The following PICALM variants were observed in gnomAD, a reference collection of about 807,000 sequenced individuals.
PICALM encodes the protein phosphatidylinositol binding clathrin assembly protein.
Under a neutral mutation model 80.5 loss-of-function variants are expected in PICALM, and 40 were observed. The ratio of observed to expected loss-of-function variants is 0.50; its 90% CI spans 0.39 to 0.65. The LOEUF is 0.65. Ranked by LOEUF, PICALM falls within the 30% of genes least tolerant of loss-of-function variation. The pLI is 0.00. For missense variants in PICALM, 676 were observed against 778.9 expected (o/e 0.87, Z 1.57); for synonymous variants, 288 against 260.3 (o/e 1.11, Z -1.02).
intron 1 of PICALM, among the ~76,000 whole-genome samples, 191 bp from the exon 2 acceptor site, chr11:86,031,802 T>G (rs976890250): frequency 2.0e-5 from 3 of 152,102 alleles, no homozygotes; most frequent in African/African-American, 7.2e-5. Context: ...GGGTACCAAT[T>G]AGAATCACAT....
chr11:85,987,538 GA>G (rs777850208), intron 13 of PICALM, among the ~76,000 whole-genome samples: 2 of 152,136 alleles, frequency 1.3e-5, no homozygotes, highest in African/African-American at 4.8e-5. Context: ...AAGCAATAAA[GA>G]AAAAATCAAT....
chr11:86,048,692 C>T (rs2096121229), intron 1 of PICALM, among the ~76,000 whole-genome samples: 1 of 151,628 alleles, frequency 6.6e-6, no homozygotes, highest in African/African-American at 2.4e-5. Context: ...ATTAGCCGGG[C>T]GTGGTGGCGC....
chr11:86,056,209 T>C (rs974095816), intron 1 of PICALM, among the ~76,000 whole-genome samples: 3 of 141,434 alleles, frequency 2.1e-5, no homozygotes, highest in Non-Finnish European at 4.6e-5. Context: ...TTAAAAGACA[T>C]TGTATCAAGA....
intron 7 of PICALM, among the ~76,000 whole-genome samples, chr11:86,008,815 G>C (rs1207140663): frequency 6.6e-6 from 1 of 151,798 alleles, no homozygotes; most frequent in Middle Eastern, 3.2e-3. Flanking sequence ...CTCTGGCCGG[G>C]CGCGGTGGCT....
chr11:86,035,650 AC>A (rs2095827482), intron 1 of PICALM, among the ~76,000 whole-genome samples: 1 of 152,084 alleles, frequency 6.6e-6, no homozygotes, highest in African/African-American at 2.4e-5. Context: ...CATCTAGAAA[AC>A]TGGAGATACG....
chr11:85,963,920 CT>C (rs10686143), intron 19 of PICALM, among the ~76,000 whole-genome samples: 748 of 72,880 alleles, frequency 0.01, 3 homozygotes, highest in South Asian at 0.032. Flanking sequence ...CCACACCTGG[CT>C]TTTTTTTTTT....
chr11:85,991,210 G>A (rs1221988809), intron 12 of PICALM, among the ~76,000 whole-genome samples: 1 of 152,042 alleles, frequency 6.6e-6, no homozygotes, highest in Non-Finnish European at 1.5e-5. Context: ...GATTTAAAGA[G>A]CTAACTAAAT....
chr11:86,007,188 G>T (rs602222), intron 8 of PICALM, among the ~76,000 whole-genome samples: 104,732 of 152,044 alleles, frequency 0.69, 36,232 homozygotes, highest in African/African-American at 0.77. Flanking sequence ...ATAAATACTG[G>T]ATAATTCTCT....
intron 12 of PICALM, among the ~76,000 whole-genome samples, chr11:85,994,877 T>G (rs1484681038): frequency 2.0e-5 from 3 of 152,222 alleles, no homozygotes; most frequent in Non-Finnish European, 2.9e-5. Context: ...CTAATTTTTG[T>G]ATTTTTAGTA....
chr11:85,982,740 T>A (rs987352164), intron 14 of PICALM, among the ~76,000 whole-genome samples: 1 of 152,072 alleles, frequency 6.6e-6, no homozygotes, highest in African/African-American at 2.4e-5. Flanking sequence ...ACCTTTTTTT[T>A]AAAAGCAGAG....
At chr11:86,047,627 T>C (rs1459859395) in intron 1 of PICALM, among the ~76,000 whole-genome samples, 1 of 152,180 alleles carries the variant, frequency 6.6e-6, no homozygotes, top group Non-Finnish European at 1.5e-5. Flanking sequence ...CTATCAATTC[T>C]AAGTAATAGC....
At chr11:86,031,211 C>A (rs2095746132) in intron 2 of PICALM, among the ~76,000 whole-genome samples, 1 of 152,106 alleles carries the variant, frequency 6.6e-6, no homozygotes, top group African/African-American at 2.4e-5. Flanking sequence ...CAGCAAAAAC[C>A]AGGGATGCTT....
chr11:86,047,607 G>A (rs1337712252), intron 1 of PICALM, among the ~76,000 whole-genome samples: 1 of 152,196 alleles, frequency 6.6e-6, no homozygotes, highest in Non-Finnish European at 1.5e-5. Context: ...TTGCCCTAGA[G>A]ATGTAATTAC....
intron 4 of PICALM, among the ~76,000 whole-genome samples, chr11:86,020,023 TG>T (rs1299674914): frequency 6.6e-6 from 1 of 152,152 alleles, no homozygotes; most frequent in Non-Finnish European, 1.5e-5. Context: ...GGCTTTCTCC[TG>T]AGGCCTCATC....
intron 10 of PICALM, 51 bp from the exon 11 acceptor site, chr11:86,000,830 T>C (rs533764623): frequency 1.9e-6 from 3 of 1,580,120 alleles, no homozygotes; most frequent in East Asian, 4.5e-5. Flanking sequence ...GATTTCTTTG[T>C]ACAGCCTCTG....
Position 86,009,292 on chromosome 11 carries a change from C to CAA in PICALM, c.766-1711_766-1710dup, listed in dbSNP as rs10557244. 1.9e-3 allele frequency among the ~76,000 whole-genome samples: 81 copies of CAA among 41,638 alleles called. 12 individuals carry two copies. The highest frequency in any genetic ancestry group is 6.1e-3 in the African/African-American group (58 of 9,534). 27.3% of individuals were successfully genotyped at this position (41,638 alleles called of 152,430 possible). ...TGGGTGACACAGCAAGTCTCTGTCT[C>CAA]AAAAAAAAAAAAAAAAAAAAAAAAA... is the stretch of plus-strand genomic sequence containing the variant. On this transcript the variant is annotated intron_variant, in intron 7 of 19. Coordinates refer to ENST00000393346, the MANE Select transcript of PICALM (RefSeq NM_007166.4).
intron 1 of PICALM, among the ~76,000 whole-genome samples, chr11:86,046,362 C>G (rs571313405): frequency 6.6e-6 from 1 of 152,320 alleles, no homozygotes; most frequent in South Asian, 2.1e-4. Context: ...ATTAGTCACT[C>G]AGTTTCCATT....
At chr11:86,015,711 C>T (rs1366928197) in intron 4 of PICALM, among the ~76,000 whole-genome samples, 1 of 152,184 alleles carries the variant, frequency 6.6e-6, no homozygotes, top group African/African-American at 2.4e-5. Context: ...ATATATCACA[C>T]TAAGTATTAT....
chr11:85,989,085 C>T (rs1279127433), intron 13 of PICALM, among the ~76,000 whole-genome samples: 1 of 152,184 alleles, frequency 6.6e-6, no homozygotes, highest in African/African-American at 2.4e-5. Flanking sequence ...ATCATTGTAT[C>T]AGATAAATGT....
Sources: gnomAD v4.1 joint callset for allele counts (sites outside exome capture counted in the v4.1 genomes callset) on GRCh38, gnomAD v4.1.1 for gene constraint, MANE v1.5 for transcripts, NCBI Gene and HGNC (gene_info 2026-07-23, HGNC 2026-07-21) for gene names.